The following GRIK1 variants were observed in gnomAD, a reference collection of about 807,000 sequenced individuals.
GRIK1 encodes the protein glutamate ionotropic receptor kainate type subunit 1.
A neutral mutation model predicts 105.7 loss-of-function variants in GRIK1; 69 were observed. The observed-to-expected ratio is 0.65, with a 90% CI of 0.54 to 0.80. GRIK1 has a LOEUF of 0.80. Ranked by LOEUF, GRIK1 falls within the 30% of genes least tolerant of loss-of-function variation. The pLI is 0.00. For synonymous variants in GRIK1, 438 were observed against 431.3 expected (o/e 1.02, Z -0.19); for missense variants, 1,109 against 1,167.3 (o/e 0.95, Z 0.73).
intron 6 of GRIK1, among the ~76,000 whole-genome samples, chr21:29,643,900 GCACACACATGCACACACACA>G (rs1422377063): frequency 6.8e-6 from 1 of 146,724 alleles, no homozygotes; most frequent in East Asian, 1.9e-4. Context: ...TTGTGGAGGG[GCACACACATGCACACACACA>G]CACACACATG....
At chr21:29,609,272 G>A (rs1403245700) in intron 7 of GRIK1, among the ~76,000 whole-genome samples, 3 of 151,618 alleles carry the variant, frequency 2.0e-5, no homozygotes, top group Non-Finnish European at 4.4e-5. Flanking sequence ...TCTTTATATG[G>A]CACCTTATTC....
chr21:29,607,261 T>C (rs1649076947), intron 7 of GRIK1, among the ~76,000 whole-genome samples: 1 of 152,138 alleles, frequency 6.6e-6, no homozygotes, highest in African/African-American at 2.4e-5. Context: ...CTGAGCAAGA[T>C]TATGTCTCAG....
chr21:29,681,476 A>G (rs991777722), intron 3 of GRIK1, among the ~76,000 whole-genome samples: 2 of 152,198 alleles, frequency 1.3e-5, no homozygotes, highest in African/African-American at 4.8e-5. Flanking sequence ...CACCTGAGAC[A>G]TTAGCTGTTC....
chr21:29,921,462 A>T (rs929955662), intron 1 of GRIK1, among the ~76,000 whole-genome samples: 1 of 152,208 alleles, frequency 6.6e-6, no homozygotes, highest in African/African-American at 2.4e-5. Flanking sequence ...ATCTGTAATC[A>T]TTCTGTAGTA....
At chr21:29,701,246 A>G (rs1054635825) in intron 1 of GRIK1, among the ~76,000 whole-genome samples, 2 of 152,180 alleles carry the variant, frequency 1.3e-5, no homozygotes, top group Non-Finnish European at 2.9e-5. Context: ...TTATTTTAGA[A>G]GGGGAATTGG....
intron 16 of GRIK1, among the ~76,000 whole-genome samples, chr21:29,554,180 A>T (rs1047874764): frequency 2.0e-5 from 3 of 152,190 alleles, no homozygotes; most frequent in Admixed American, 1.3e-4. Context: ...AAAATTATTT[A>T]GAATTTCAAG....
intron 1 of GRIK1, among the ~76,000 whole-genome samples, chr21:29,820,611 C>T (rs1024467473): frequency 1.3e-5 from 2 of 151,946 alleles, no homozygotes; most frequent in Non-Finnish European, 2.9e-5. Context: ...ATTGCTGTTA[C>T]ACTACTTTAT....
chr21:29,651,016 C>T (rs1350487109), intron 6 of GRIK1, 102 bp downstream of exon 6: 6 of 806,226 alleles, frequency 7.4e-6, no homozygotes, highest in Non-Finnish European at 1.1e-5. Context: ...AGTCAAGGCA[C>T]CCACTGTAAC....
intron 5 of GRIK1, among the ~76,000 whole-genome samples, 163 bp downstream of exon 5, chr21:29,654,647 A>AAAAAAAG (rs1568937954): frequency 1.5e-4 from 23 of 148,856 alleles, no homozygotes; most frequent in African/African-American, 3.7e-4. Context: ...AAGAAAGAAA[A>AAAAAAAG]AAAGCCTGCT....
Position 29,555,070 on chromosome 21 carries a change from C to T in GRIK1, c.2589G>A (p.Lys863=), listed in dbSNP as rs771262458. Residue 863 remains lysine, a synonymous_variant, in exon 16 of 18, where the codon AAG becomes AAA. Coordinates refer to ENST00000327783, the MANE Select transcript of GRIK1 (RefSeq NM_001330994.2). ...AIGEFIYKSR[K]NNDIEQKGKS... Reference sequence around the variant, plus strand: ...GACTCACCTGTTCAATATCATTATTCTTCCGTGATTTGTATATGAATTCTC... The same window carrying T: ...GACTCACCTGTTCAATATCATTATTTTTCCGTGATTTGTATATGAATTCTC... The T allele has an allele frequency of 6.2e-7, 1 of 1,610,692 alleles. No homozygotes were observed. Among genetic ancestry groups the T allele is most frequent in the South Asian group, 1.1e-5 (1 of 90,988 alleles).
At chr21:29,823,857 T>G (rs2067372177) in intron 1 of GRIK1, among the ~76,000 whole-genome samples, 1 of 151,988 alleles carries the variant, frequency 6.6e-6, no homozygotes, top group Admixed American at 6.6e-5. Context: ...GCAGAATACA[T>G]TTCTTCTTGA....
intron 1 of GRIK1, among the ~76,000 whole-genome samples, chr21:29,815,551 T>G (rs929864856): frequency 2.0e-4 from 30 of 152,308 alleles, no homozygotes; most frequent in Admixed American, 2.0e-3. Context: ...ATCATTTTTC[T>G]TCTAGAATAA....
intron 1 of GRIK1, among the ~76,000 whole-genome samples, chr21:29,737,160 T>G (rs1314097925): frequency 6.6e-6 from 1 of 152,180 alleles, no homozygotes; most frequent in African/African-American, 2.4e-5. Flanking sequence ...AGAAGTCCCC[T>G]TTTAAGTGTG....
At chr21:29,904,667 A>T (rs760191896) in intron 1 of GRIK1, among the ~76,000 whole-genome samples, 1 of 152,088 alleles carries the variant, frequency 6.6e-6, no homozygotes, top group Non-Finnish European at 1.5e-5. Flanking sequence ...TGAAACATGT[A>T]CTTGTGCAGG....
intron 1 of GRIK1, among the ~76,000 whole-genome samples, chr21:29,832,818 C>A (rs951481830): frequency 6.6e-6 from 1 of 152,188 alleles, no homozygotes; most frequent in Non-Finnish European, 1.5e-5. Flanking sequence ...ATGCAAATTT[C>A]TGCAACTCGC....
chr21:29,567,892 T>A (rs1323054648), intron 14 of GRIK1, among the ~76,000 whole-genome samples: 4 of 152,074 alleles, frequency 2.6e-5, no homozygotes, highest in Non-Finnish European at 5.9e-5. Flanking sequence ...AGAAAATATT[T>A]ATAGTATAGT....
At chr21:29,702,626 G>A (rs1206983630) in intron 1 of GRIK1, among the ~76,000 whole-genome samples, 3 of 152,094 alleles carry the variant, frequency 2.0e-5, no homozygotes, top group East Asian at 1.9e-4. Context: ...CAGGAGAATC[G>A]CTTGAACTTG....
intron 1 of GRIK1, among the ~76,000 whole-genome samples, chr21:29,763,310 A>G (rs1269982476): frequency 1.3e-5 from 2 of 152,126 alleles, no homozygotes; most frequent in Non-Finnish European, 2.9e-5. Context: ...CCATGATTGT[A>G]AGTTTCCTGA....
At position 29,601,591 on chromosome 21, in the gene GRIK1, C is replaced by T. The variant is rs141606171; in HGVS notation, c.1099-2654G>A. ...CCTCTGTGCTATTCATCCCAGCCTG[C>T]AGCCTCCACTCAGCCTCTCCATCTC... is the stretch of plus-strand genomic sequence containing the variant. On this transcript the variant is annotated intron_variant, in intron 7 of 17. Transcript: ENST00000327783. 2.7e-3 allele frequency among the ~76,000 whole-genome samples: 408 copies of T among 152,336 alleles called. 3 individuals carry two copies. Among genetic ancestry groups the T allele is most frequent in the African/African-American group, 9.3e-3 (388 of 41,582 alleles).
Sources: allele counts gnomAD v4.1 joint callset (sites outside exome capture counted in the v4.1 genomes callset), GRCh38; gene constraint gnomAD v4.1.1; transcripts MANE v1.5; gene names NCBI Gene and HGNC (gene_info 2026-07-23, HGNC 2026-07-21).